PLXNA4: variants seen among roughly 807,000 people sequenced by gnomAD.
PLXNA4 encodes the protein plexin A4.
Under a neutral mutation model 191.8 loss-of-function variants are expected in PLXNA4, and 44 were observed. That is an observed-to-expected ratio of 0.23 (90% CI 0.18 to 0.29). The LOEUF is 0.29. Among genes scored for constraint, PLXNA4 ranks in the 10% least tolerant of loss-of-function variants. The pLI is 1.00. For missense variants in PLXNA4, 1,800 were observed against 2,488.8 expected, an observed-to-expected ratio of 0.72 and a Z score of 5.89; for synonymous variants, 1,082 against 1,009.5, an observed-to-expected ratio of 1.07 and a Z score of -1.36.
rs758886379 is a variant in PLXNA4, at chr7:132,507,663, T to G, written c.1031A>C (p.Lys344Thr). The G allele has an allele frequency of 6.2e-7, 1 of 1,614,226 alleles. No homozygotes were observed. Among genetic ancestry groups the G allele is most frequent in the East Asian group, 2.2e-5 (1 of 44,884 alleles). Residue 344 changes from lysine to threonine, a missense_variant, in exon 2 of 32, where the codon AAG becomes ACG. Transcript: ENST00000321063. ...CTCATCCAGGGATTTCATTTTCCGCTTCTGGCCCTTGGAGAAGACGGTGAA... is the reference window on the plus strand; with the variant it reads ...CTCATCCAGGGATTTCATTTTCCGCGTCTGGCCCTTGGAGAAGACGGTGAA... ...LLFTVFSKGQ[K>T]RKMKSLDESA...
At chr7:132,478,181 C>T (rs1390665886) in intron 3 of PLXNA4, among the ~76,000 whole-genome samples, 1 of 152,210 alleles carries the variant, frequency 6.6e-6, no homozygotes, top group East Asian at 1.9e-4. Context: ...CACTGCCTAA[C>T]TAAACCTCCC....
intron 2 of PLXNA4, among the ~76,000 whole-genome samples, chr7:132,608,520 C>G (rs1380676569): frequency 1.3e-5 from 2 of 152,162 alleles, no homozygotes; most frequent in African/African-American, 4.8e-5. Context: ...TCAGAGAAAG[C>G]TGGCCCAAGA....
At chr7:132,473,571 A>G (rs969405020) in intron 3 of PLXNA4, among the ~76,000 whole-genome samples, 1 of 152,200 alleles carries the variant, frequency 6.6e-6, no homozygotes, top group African/African-American at 2.4e-5. Context: ...TCAAATAAAC[A>G]TAGGTACTTA....
rs867762798 is a variant in PLXNA4 at position 132,185,461 on chromosome 7, C to T, written c.2996G>A (p.Arg999Gln). The T allele has an allele frequency of 1.9e-6, 3 of 1,611,120 alleles. No individual in the cohort carries two copies. Among genetic ancestry groups the T allele is most frequent in the Non-Finnish European group, 2.5e-6 (3 of 1,178,858 alleles). Reference protein sequence around the residue: ...FGKQPCLFHRRSPSYIVCNTT... With the variant: ...FGKQPCLFHRQSPSYIVCNTT... ...GTTGCAGACAATGTAGGATGGAGAT[C>T]GCCTGGAGGGCAGGAAGACAGAGCA... Residue 999 changes from arginine (R) to glutamine (Q), a missense_variant and splice_region_variant, in exon 16 of 32, where the codon CGA becomes CAA. Arg to Gln is a conservative substitution (Grantham distance 43). This residue lies in a region of PLXNA4 where 1,397 missense variants were observed against 1,880.4 expected (regional missense o/e 0.74). Transcript: ENST00000321063.
chr7:132,562,412 TC>T (rs1801229232), intron 1 of PLXNA4, among the ~76,000 whole-genome samples: 1 of 127,446 alleles, frequency 7.8e-6, no homozygotes. Flanking sequence ...CTCCTCCTTC[TC>T]CTCCTTCTCC....
At chr7:132,527,781 C>T (rs551396759) in intron 1 of PLXNA4, among the ~76,000 whole-genome samples, 1 of 152,098 alleles carries the variant, frequency 6.6e-6, no homozygotes, top group Non-Finnish European at 1.5e-5. Flanking sequence ...TGCCCACATG[C>T]CAGACTCAAC....
In PLXNA4 at chr7:132,159,463, G is replaced by A; in HGVS notation, c.4660+10C>T. On this transcript the variant is annotated intron_variant, in intron 25 of 31. Transcript: ENST00000321063. ...CACAAGGACAGCCCCTGGGTGGACA[G>A]CCTACTCACCCAGATCCATATCTGC... 1.9e-6 allele frequency: 3 copies of A among 1,613,760 alleles called. No homozygotes were observed. Among genetic ancestry groups the A allele is most frequent in the South Asian group, 1.1e-5 (1 of 90,998 alleles).
chr7:132,273,235 T>C (rs10271768), intron 4 of PLXNA4, among the ~76,000 whole-genome samples: 98,501 of 151,832 alleles, frequency 0.65, 33,958 homozygotes, highest in African/African-American at 0.89. Context: ...TGGAACCTAA[T>C]GTTGGGGGAA....
At chr7:132,647,745 T>C (rs1803905683) in intron 1 of PLXNA4, among the ~76,000 whole-genome samples, 1 of 145,560 alleles carries the variant, frequency 6.9e-6, no homozygotes, top group African/African-American at 2.6e-5. Context: ...CACAAGCAAT[T>C]ACACACATAC....
intron 3 of PLXNA4, among the ~76,000 whole-genome samples, chr7:132,422,815 AC>A: frequency 6.6e-6 from 1 of 152,306 alleles, no homozygotes; most frequent in Non-Finnish European, 1.5e-5. Context: ...GGGTATTATT[AC>A]CCCACTGGGC....
At chr7:132,398,967 T>C (rs1167422925) in intron 3 of PLXNA4, among the ~76,000 whole-genome samples, 3 of 152,110 alleles carry the variant, frequency 2.0e-5, no homozygotes, top group African/African-American at 7.2e-5. Context: ...GGCTGCCACC[T>C]CCACTCCTCA....
At chr7:132,476,235 A>G (rs908390087) in intron 3 of PLXNA4, among the ~76,000 whole-genome samples, 1 of 152,190 alleles carries the variant, frequency 6.6e-6, no homozygotes, top group Non-Finnish European at 1.5e-5. Context: ...CTCCTAGCAT[A>G]ATAGCCACCG....
chr7:132,442,629 C>T (rs1012362252), intron 3 of PLXNA4, among the ~76,000 whole-genome samples: 1 of 152,168 alleles, frequency 6.6e-6, no homozygotes, highest in African/African-American at 2.4e-5. Flanking sequence ...AGAGAAGTCC[C>T]CCTCCGCAAA....
At chr7:132,453,467 G>A (rs1204060781) in intron 3 of PLXNA4, among the ~76,000 whole-genome samples, 1 of 152,014 alleles carries the variant, frequency 6.6e-6, no homozygotes, top group Non-Finnish European at 1.5e-5. Flanking sequence ...AGGTGATCCC[G>A]ATTAACCTTC....
intron 14 of PLXNA4, among the ~76,000 whole-genome samples, chr7:132,191,750 G>A (rs576637270): frequency 1.7e-3 from 180 of 105,844 alleles, no homozygotes; most frequent in Non-Finnish European, 2.5e-3. Context: ...AATACCTGGC[G>A]AATGTCATCC....
At chr7:132,379,326 A>C (rs893602408) in intron 3 of PLXNA4, among the ~76,000 whole-genome samples, 22 of 152,254 alleles carry the variant, frequency 1.4e-4, no homozygotes, top group African/African-American at 4.8e-4. Context: ...GCAGTGTCTC[A>C]TGTCCCTCCT....
At chr7:132,312,729 C>T (rs1329828946) in intron 3 of PLXNA4, among the ~76,000 whole-genome samples, 1 of 152,188 alleles carries the variant, frequency 6.6e-6, no homozygotes, top group African/African-American at 2.4e-5. Context: ...GTCAATTTCT[C>T]TAACCCCTGG....
chr7:132,633,512 AC>A (rs1447117377), intron 2 of PLXNA4, among the ~76,000 whole-genome samples: 1 of 151,980 alleles, frequency 6.6e-6, no homozygotes, highest in Non-Finnish European at 1.5e-5. Flanking sequence ...TGATTTTCTG[AC>A]CTTGTGATCC....
At chr7:132,554,711 G>T (rs908249079) in intron 1 of PLXNA4, among the ~76,000 whole-genome samples, 4 of 152,124 alleles carry the variant, frequency 2.6e-5, no homozygotes, top group African/African-American at 9.7e-5. Context: ...ACCAGTTTAA[G>T]GCTATCTTTC....
Sources: allele counts gnomAD v4.1 joint callset (sites outside exome capture counted in the v4.1 genomes callset), GRCh38; gene constraint gnomAD v4.1.1; regional missense constraint gnomAD v4.1.1; transcripts MANE v1.5; gene names NCBI Gene and HGNC (gene_info 2026-07-23, HGNC 2026-07-21).